The following TLR3 variants were observed in gnomAD, a reference collection of about 807,000 sequenced individuals.
TLR3 encodes the protein toll-like receptor 3.
A neutral mutation model predicts 66.4 loss-of-function variants in TLR3; 43 were observed. That is an observed-to-expected ratio of 0.65 (90% CI 0.51 to 0.83). The LOEUF is 0.83. Among genes scored for constraint, TLR3 ranks in the 40% least tolerant of loss-of-function variants. TLR3 has a pLI of 0.00. For synonymous variants in TLR3, 397 were observed against 397.2 expected, an observed-to-expected ratio of 1.00 and a Z score of 0.01; for missense variants, 982 against 1,044.6, an observed-to-expected ratio of 0.94 and a Z score of 0.83.
Position 186,076,725 on chromosome 4 carries a change from G to C in TLR3, c.106G>C (p.Asp36His). 1 of 1,614,150 alleles carries C rather than the reference G, an allele frequency of 6.2e-7. No homozygotes were observed. Among genetic ancestry groups the C allele is most frequent in the Non-Finnish European group, 8.5e-7 (1 of 1,180,026 alleles). Residue 36 changes from aspartate (D) to histidine (H), a missense_variant, in exon 2 of 5, where the codon GAC becomes CAC. Physicochemically the swap from Asp to His is moderately conservative, Grantham distance 81. Transcript: ENST00000296795. ...TKCTVSHEVA[D>H]CSHLKLTQVP... ...GTGCACTGTTAGCCATGAAGTTGCT[G>C]ACTGCAGCCACCTGAAGTTGACTCA...
chr4:186,084,050 G>A lies in TLR3; in HGVS notation c.2364G>A (p.Leu788=), dbSNP rs764668957. 6.2e-7 allele frequency: 1 copy of A among 1,614,106 alleles called. No homozygotes were observed. The highest frequency in any genetic ancestry group is 2.2e-5 in the East Asian group (1 of 44,864). The change falls in exon 4 of 5, where the codon CTG becomes CTA. Residue 788 remains leucine, a synonymous_variant. Coordinates refer to ENST00000296795, the MANE Select transcript of TLR3 (RefSeq NM_003265.3). ...AAGACCAATCTCTCAAATTTTGTCT[G>A]GAAGAAAGGGACTTTGAGGCGGGTG... is the stretch of plus-strand genomic sequence containing the variant. The part of the protein sequence containing the change: ...EKEDQSLKFC[L]EERDFEAGVF...
chr4:186,070,410 G>A (rs1300764653), intron 1 of TLR3, among the ~76,000 whole-genome samples: 1 of 151,968 alleles, frequency 6.6e-6, no homozygotes, highest in African/African-American at 2.4e-5. Context: ...TTAGAGACAA[G>A]GTCTCGCTGT....
intron 1 of TLR3, among the ~76,000 whole-genome samples, chr4:186,075,982 C>T (rs1485892758): frequency 1.3e-5 from 2 of 152,046 alleles, no homozygotes; most frequent in East Asian, 1.9e-4. Context: ...GGTGAAACCT[C>T]GTCTCTACTA....
At chr4:186,075,253 G>A (rs1036660981) in intron 1 of TLR3, among the ~76,000 whole-genome samples, 6 of 152,078 alleles carry the variant, frequency 3.9e-5, no homozygotes, top group South Asian at 2.1e-4. Flanking sequence ...ATATTATGAC[G>A]GCTAGATTAG....
rs1464546373 is a variant in TLR3, at chr4:186,083,081, C to T, written c.1395C>T (p.Tyr465=). The change falls in exon 4 of 5, where the codon TAC becomes TAT. Residue 465 remains tyrosine, a synonymous_variant. Coordinates refer to ENST00000296795, the MANE Select transcript of TLR3 (RefSeq NM_003265.3). This position sits in a 1 kb window ranked among gnomAD's most constrained non-coding sequence, Gnocchi z 4.0. ...LENIFEIYLS[Y]NKYLQLTRNS... ...ATATTTTCGAAATCTATCTTTCCTA[C>T]AACAAGTACCTGCAGCTGACTAGGA... 1 of 1,614,178 alleles carries T rather than the reference C, an allele frequency of 6.2e-7. No individual in the cohort carries two copies. The highest frequency in any genetic ancestry group is 1.1e-5 in the South Asian group (1 of 91,082).
chr4:186,088,007 G>C lies in TLR3; in HGVS notation c.*3134G>C, dbSNP rs975713576. 5 of 152,136 alleles carry C rather than the reference G, an allele frequency of 3.3e-5. No individual in the cohort carries two copies. The East Asian group carries it at 9.6e-4, about 29-fold the overall frequency. The allele number at this position is 152,136 out of a possible 1,614,324, so 9.4% of individuals were successfully genotyped here. A position where few individuals can be genotyped will look rare whatever the true frequency, so the allele number is the denominator to read the frequency against. ...TCATTGAGTTGGACACTTAAAACAG[G>C]TGAATTTTATGATATGTAAATTATA... On this transcript the variant is annotated 3_prime_UTR_variant, in exon 5 of 5. Transcript: ENST00000296795.
In TLR3 at chr4:186,082,771, T is replaced by G; in HGVS notation, c.1085T>G (p.Met362Arg). 6.2e-7 allele frequency: 1 copy of G among 1,614,100 alleles called. No individual in the cohort carries two copies. Among genetic ancestry groups the G allele is most frequent in the Non-Finnish European group, 8.5e-7 (1 of 1,179,990 alleles). ...QWLKCLEHLN[M>R]EDNDIPGIKS... The stretch of plus-strand genomic sequence containing the variant: ...CTAAAATGTTTGGAGCACCTTAACA[T>G]GGAAGATAATGATATTCCAGGCATA... Residue 362 changes from methionine to arginine, a missense_variant, in exon 4 of 5, where the codon ATG becomes AGG. Met to Arg is a moderately conservative substitution (Grantham distance 91). Coordinates refer to ENST00000296795, the MANE Select transcript of TLR3 (RefSeq NM_003265.3).
rs574367406 is a variant in TLR3, at chr4:186,087,107, G to A, written c.*2234G>A. On this transcript the variant is annotated 3_prime_UTR_variant, in exon 5 of 5. Coordinates refer to ENST00000296795, the MANE Select transcript of TLR3 (RefSeq NM_003265.3). ...CTGTCACAGCTGAGGTAGAGTTACA[G>A]TGATTTACTTGGTGGTAGAATGTTG... 3 of 152,332 alleles carry A rather than the reference G, an allele frequency of 2.0e-5. No homozygotes were observed. The East Asian group carries it at 5.8e-4, about 29-fold the overall frequency. The allele number at this position is 152,332 out of a possible 1,614,324, so 9.4% of individuals were successfully genotyped here. A position where few individuals can be genotyped will look rare whatever the true frequency, so the allele number is the denominator to read the frequency against.
intron 1 of TLR3, among the ~76,000 whole-genome samples, chr4:186,069,566 T>C (rs1477051089): frequency 6.6e-6 from 1 of 152,220 alleles, no homozygotes; most frequent in Non-Finnish European, 1.5e-5. Context: ...ATGGAAATCA[T>C]TTTGCAACAG....
In TLR3 at chr4:186,076,650, TG is replaced by T. The variant is rs757908313; in HGVS notation, c.38del (p.Gly13AlafsTer28). ...ACAGACTTTGCCTTGTATCTACTTTTGGGGGGGCCTTTTGCCCTTTGGGATG... is the reference window on the plus strand; with the variant it reads ...ACAGACTTTGCCTTGTATCTACTTTTGGGGGGCCTTTTGCCCTTTGGGATG... MRQTLPCIYF[W>X]GGLLPFGMLC... On this transcript the variant is annotated frameshift_variant, in exon 2 of 5. Coordinates refer to ENST00000296795, the MANE Select transcript of TLR3 (RefSeq NM_003265.3). LOFTEE classifies it high-confidence loss of function. The T allele has an allele frequency of 6.8e-6, 11 of 1,613,930 alleles. No homozygotes were observed. Among genetic ancestry groups the T allele is most frequent in the South Asian group, 5.5e-5 (5 of 91,070 alleles).
chr4:186,075,077 A>C (rs1300021994), intron 1 of TLR3, among the ~76,000 whole-genome samples: 1 of 152,212 alleles, frequency 6.6e-6, no homozygotes, highest in Admixed American at 6.5e-5. Flanking sequence ...TTATGATAAA[A>C]AGAATAGTAT....
chr4:186,079,721 G>A (rs1264833093), intron 3 of TLR3, among the ~76,000 whole-genome samples: 2 of 152,204 alleles, frequency 1.3e-5, no homozygotes, highest in Non-Finnish European at 2.9e-5. Context: ...TGGACCGGTG[G>A]CACAGGGGTA....
In TLR3 at chr4:186,083,257, A is replaced by T. The variant is rs373400665; in HGVS notation, c.1571A>T (p.Asp524Val). ...AACAACATAGCCAACATAAATGATG[A>T]CATGTTGGAGGGTCTTGAGAAACTA... ...SNNNIANIND[D>V]MLEGLEKLEI... The change falls in exon 4 of 5, where the codon GAC becomes GTC. Residue 524 changes from aspartate to valine, a missense_variant. Coordinates refer to ENST00000296795, the MANE Select transcript of TLR3 (RefSeq NM_003265.3). This position sits in a 1 kb window ranked among gnomAD's most constrained non-coding sequence, Gnocchi z 4.0. 59 of 1,614,082 alleles carry T rather than the reference A, an allele frequency of 3.7e-5. No individual in the cohort carries two copies. The highest frequency in any genetic ancestry group is 4.9e-5 in the Non-Finnish European group (58 of 1,180,042).
intron 1 of TLR3, among the ~76,000 whole-genome samples, chr4:186,073,970 C>A (rs559970502): frequency 9.2e-5 from 14 of 152,214 alleles, no homozygotes; most frequent in African/African-American, 3.1e-4. Flanking sequence ...TGTTAAATAT[C>A]GTTAGTCGGC....
chr4:186,084,280 G>A (rs980458487), intron 4 of TLR3, 108 bp downstream of exon 4: 33 of 1,158,050 alleles, frequency 2.8e-5, no homozygotes, highest in Non-Finnish European at 4.0e-5. Flanking sequence ...GAGTGCAGTG[G>A]TGTGATCTCA....
intron 3 of TLR3, chr4:186,082,044 G>T (rs1225947931): frequency 1.2e-5 from 5 of 422,612 alleles, no homozygotes; most frequent in African/African-American, 2.0e-5. Context: ...GGCCTACACG[G>T]TGAAACCCCG....
chr4:186,084,149 A>T lies in TLR3; in HGVS notation c.2463A>T (p.Leu821=). The T allele has an allele frequency of 6.2e-7, 1 of 1,614,042 alleles. No individual in the cohort carries two copies. The highest frequency in any genetic ancestry group is 1.1e-5 in the South Asian group (1 of 91,020). Residue 821 remains leucine, a synonymous_variant, in exon 4 of 5, where the codon CTA becomes CTT. Transcript: ENST00000296795. Reference sequence around the variant, plus strand: ...TTATTTTTGTTATAACACACCATCTATTAAAAGACCCATTATGCAAAAGGT... The same window carrying T: ...TTATTTTTGTTATAACACACCATCTTTTAAAAGACCCATTATGCAAAAGGT... The part of the protein sequence containing the change: ...RKIIFVITHH[L]LKDPLCKRFK...
intron 2 of TLR3, 88 bp downstream of exon 2, chr4:186,077,148 G>A: frequency 7.2e-7 from 1 of 1,389,284 alleles, no homozygotes; most frequent in South Asian, 1.3e-5. Flanking sequence ...GAAATAAAGA[G>A]GAAGAAATTT....
chr4:186,082,429 CA>C lies in TLR3; in HGVS notation c.745del (p.Ser249AlafsTer7). ...AAGCTATGTTTGGAATTAGCAAACA[CA>C]AGCATTCGGAATCTGTCTCTGAGTA... ...TEKLCLELAN[T>X]SIRNLSLSNS... On this transcript the variant is annotated frameshift_variant, in exon 4 of 5. Transcript: ENST00000296795. LOFTEE classifies it high-confidence loss of function. 3 of 1,614,080 alleles carry C rather than the reference CA, an allele frequency of 1.9e-6. No individual in the cohort carries two copies. Among genetic ancestry groups the C allele is most frequent in the African/African-American group, 1.3e-5 (1 of 74,990 alleles).
Sources: gnomAD v4.1 joint callset for allele counts (sites outside exome capture counted in the v4.1 genomes callset) on GRCh38, gnomAD v4.1.1 for gene constraint, Gnocchi (gnomAD v3.1) non-coding constraint, MANE v1.5 for transcripts, NCBI Gene and HGNC (gene_info 2026-07-23, HGNC 2026-07-21) for gene names.